TMEM132D: variants seen among roughly 807,000 people sequenced by gnomAD.
The protein encoded by TMEM132D is transmembrane protein 132D, also known as mature OL transmembrane protein.
In TMEM132D, 21 loss-of-function variants were observed where a neutral mutation model predicts 62.3. That is an observed-to-expected ratio of 0.34 (90% CI 0.24 to 0.49). The LOEUF is 0.49. Ranked by LOEUF, TMEM132D falls within the 20% of genes least tolerant of loss-of-function variation. The pLI, the probability that TMEM132D is intolerant of heterozygous loss-of-function variation, is 0.99. For synonymous variants in TMEM132D, 621 were observed against 575.6 expected, an observed-to-expected ratio of 1.08 and a Z score of -1.13; for missense variants, 1,346 against 1,402.8, an observed-to-expected ratio of 0.96 and a Z score of 0.65.
chr12:129,636,900 T>A (rs1450227380), intron 2 of TMEM132D, among the ~76,000 whole-genome samples: 1 of 152,120 alleles, frequency 6.6e-6, no homozygotes, highest in African/African-American at 2.4e-5. Flanking sequence ...TGTGGACCAG[T>A]TACACTGGCA....
At chr12:129,723,151 T>C (rs1472262097) in intron 1 of TMEM132D, among the ~76,000 whole-genome samples, 4 of 152,254 alleles carry the variant, frequency 2.6e-5, no homozygotes, top group African/African-American at 9.6e-5. Flanking sequence ...CCCTTTTCAA[T>C]TACTTTTCCG....
At chr12:129,350,417 A>T (rs1869826573) in intron 3 of TMEM132D, among the ~76,000 whole-genome samples, 1 of 152,218 alleles carries the variant, frequency 6.6e-6, no homozygotes, top group South Asian at 2.1e-4. Flanking sequence ...GGGTCCACTT[A>T]TCTCGAATTC....
intron 1 of TMEM132D, among the ~76,000 whole-genome samples, chr12:129,793,550 T>G (rs150699416): frequency 3.4e-4 from 52 of 152,262 alleles, no homozygotes; most frequent in African/African-American, 1.2e-3. Flanking sequence ...AATTTTTGTA[T>G]TTTTGTAGAG....
intron 1 of TMEM132D, among the ~76,000 whole-genome samples, chr12:129,763,202 C>T (rs1487767097): frequency 6.6e-6 from 1 of 152,110 alleles, no homozygotes; most frequent in Non-Finnish European, 1.5e-5. Flanking sequence ...CTCGGTCTCC[C>T]GAATAGCTGG....
intron 2 of TMEM132D, among the ~76,000 whole-genome samples, chr12:129,591,174 G>GGGCACTGT (rs1375178427): frequency 6.6e-6 from 1 of 152,048 alleles, no homozygotes; most frequent in Non-Finnish European, 1.5e-5. Flanking sequence ...AGGAAGAAGG[G>GGGCACTGT]GGCACTGTTG....
At chr12:129,500,389 C>T (rs1875102950) in intron 3 of TMEM132D, among the ~76,000 whole-genome samples, 1 of 152,194 alleles carries the variant, frequency 6.6e-6, no homozygotes, top group Admixed American at 6.5e-5. Context: ...ATCTGTACCC[C>T]TTGTCTCCAG....
intron 3 of TMEM132D, among the ~76,000 whole-genome samples, chr12:129,437,533 GA>G (rs1027114980): frequency 3.9e-5 from 6 of 152,080 alleles, no homozygotes; most frequent in African/African-American, 1.4e-4. Context: ...ATAAATTTTG[GA>G]AAATACCTTC....
intron 1 of TMEM132D, among the ~76,000 whole-genome samples, chr12:129,744,851 T>C (rs972328809): frequency 6.6e-6 from 1 of 152,152 alleles, no homozygotes; most frequent in African/African-American, 2.4e-5. Flanking sequence ...ACTGATATGG[T>C]TGGGCTCTGT....
At chr12:129,841,993 C>T (rs1389205615) in intron 1 of TMEM132D, among the ~76,000 whole-genome samples, 4 of 148,712 alleles carry the variant, frequency 2.7e-5, no homozygotes, top group Non-Finnish European at 5.9e-5. Context: ...TACAGTGGCG[C>T]GATCTCGGCT....
intron 5 of TMEM132D, among the ~76,000 whole-genome samples, chr12:129,092,486 G>C (rs1017915811): frequency 1.3e-5 from 2 of 151,952 alleles, no homozygotes; most frequent in South Asian, 2.1e-4. Flanking sequence ...CCTGAGGTCA[G>C]GAGTTCGCGA....
intron 2 of TMEM132D, among the ~76,000 whole-genome samples, chr12:129,634,831 A>G (rs1593098653): frequency 1.3e-5 from 2 of 152,134 alleles, no homozygotes; most frequent in Middle Eastern, 3.2e-3. Flanking sequence ...TTATAGTTTT[A>G]TTAGCACCTA....
At chr12:129,691,720 C>T (rs1223668026) in intron 2 of TMEM132D, among the ~76,000 whole-genome samples, 2 of 151,930 alleles carry the variant, frequency 1.3e-5, no homozygotes, top group African/African-American at 2.4e-5. Context: ...TCACTTTTTA[C>T]CCATACATAC....
chr12:129,460,488 T>C (rs1873629338), intron 3 of TMEM132D, among the ~76,000 whole-genome samples: 1 of 152,206 alleles, frequency 6.6e-6, no homozygotes, highest in Non-Finnish European at 1.5e-5. Context: ...CGCTTTGTGA[T>C]GATGGGCTTG....
chr12:129,605,587 T>TTGTATA (rs1555221320), intron 2 of TMEM132D, among the ~76,000 whole-genome samples: 1 of 107,380 alleles, frequency 9.3e-6, no homozygotes. Context: ...AAATTAGGCA[T>TTGTATA]TATATATATA....
intron 5 of TMEM132D, chr12:129,111,733 G>A (rs1163325746): frequency 6.6e-6 from 1 of 152,202 alleles, no homozygotes; most frequent in Non-Finnish European, 1.5e-5. Flanking sequence ...GCCTAGCTTT[G>A]CCGGTTGCTT....
intron 3 of TMEM132D, among the ~76,000 whole-genome samples, chr12:129,403,937 G>A (rs1252735590): frequency 6.6e-6 from 1 of 152,084 alleles, no homozygotes; most frequent in Non-Finnish European, 1.5e-5. Flanking sequence ...AGGTTGGCAT[G>A]TGCTTTGCGT....
chr12:129,702,656 C>T (rs765176862), intron 1 of TMEM132D, among the ~76,000 whole-genome samples: 3 of 152,152 alleles, frequency 2.0e-5, no homozygotes, highest in African/African-American at 4.8e-5. Flanking sequence ...CATCAAAACA[C>T]GTTATGCTTT....
At chr12:129,226,255 C>T (rs1350221724) in intron 4 of TMEM132D, among the ~76,000 whole-genome samples, 1 of 152,196 alleles carries the variant, frequency 6.6e-6, no homozygotes, top group African/African-American at 2.4e-5. Flanking sequence ...CGCCTTCATT[C>T]CTATGCAAAT....
chr12:129,357,289 G>GAGAA (rs548438915), intron 3 of TMEM132D, among the ~76,000 whole-genome samples: 7 of 146,922 alleles, frequency 4.8e-5, no homozygotes, highest in African/African-American at 1.8e-4. Flanking sequence ...AGGGAGGAAG[G>GAGAA]AGAAAGAAAG....
Sources: allele counts gnomAD v4.1 joint callset (sites outside exome capture counted in the v4.1 genomes callset), GRCh38; gene constraint gnomAD v4.1.1; transcripts MANE v1.5; gene names NCBI Gene and HGNC (gene_info 2026-07-23, HGNC 2026-07-21).